NKX2-3: variants seen among roughly 807,000 people sequenced by gnomAD.
The protein encoded by NKX2-3 is NK2 homeobox 3.
A neutral mutation model predicts 14.2 loss-of-function variants in NKX2-3; 3 were observed. That is an observed-to-expected ratio of 0.21 (90% CI 0.10 to 0.55). The LOEUF is 0.55. Ranked by LOEUF, NKX2-3 falls within the 20% of genes least tolerant of loss-of-function variation. The pLI is 0.94. For synonymous variants in NKX2-3, 276 were observed against 234.2 expected (o/e 1.18, Z -1.63); for missense variants, 511 against 514.5 (o/e 0.99, Z 0.06).
intron 1 of NKX2-3, among the ~76,000 whole-genome samples, chr10:99,533,889 A>G (rs1367087674): frequency 2.6e-5 from 4 of 152,100 alleles, no homozygotes; most frequent in Non-Finnish European, 4.4e-5. Flanking sequence ...CTCTAGGGTG[A>G]GATGAGTTCT....
Position 99,536,013 on chromosome 10 carries a change from C to A in NKX2-3, c.*292C>A, listed in dbSNP as rs568144220. ...CGAGAGGAGACCAGGAGGCTAGGAC[C>A]CTGGCCGCGCTTGGTTCTTCCAAAG... On this transcript the variant is annotated 3_prime_UTR_variant, in exon 2 of 2. Transcript: ENST00000344586. 615 of 416,910 alleles carry A rather than the reference C, an allele frequency of 1.5e-3. 5 individuals carry two copies. The highest frequency in any genetic ancestry group is 1.0e-3 in the Non-Finnish European group (238 of 234,020). The allele number at this position is 416,910 out of a possible 1,614,324, so 25.8% of individuals were successfully genotyped here. A position where few individuals can be genotyped will look rare whatever the true frequency, so the allele number is the denominator to read the frequency against.
At position 99,535,790 on chromosome 10, in the gene NKX2-3, G is replaced by T; in HGVS notation, c.*69G>T. On this transcript the variant is annotated 3_prime_UTR_variant, in exon 2 of 2. Coordinates refer to ENST00000344586, the MANE Select transcript of NKX2-3 (RefSeq NM_145285.3). Reference sequence around the variant, plus strand: ...GCCGCGGGACTGAAGCTCGAGAAGGGCCTGACCTAAAGGTCAGGTCCCCTC... The same window carrying T: ...GCCGCGGGACTGAAGCTCGAGAAGGTCCTGACCTAAAGGTCAGGTCCCCTC... 1 of 1,472,224 alleles carries T rather than the reference G, an allele frequency of 6.8e-7. No homozygotes were observed. The allele number at this position is 1,472,224 out of a possible 1,614,324, so 91.2% of individuals were successfully genotyped here.
At chr10:99,533,710 C>G (rs960057862) in intron 1 of NKX2-3, among the ~76,000 whole-genome samples, 4 of 152,198 alleles carry the variant, frequency 2.6e-5, no homozygotes, top group African/African-American at 7.2e-5. Context: ...CTACTCCCCC[C>G]AAAAGGGGGA....
Position 99,533,332 on chromosome 10 carries a change from C to G in NKX2-3, c.201C>G (p.Gly67=). 1 of 1,612,964 alleles carries G rather than the reference C, an allele frequency of 6.2e-7. No homozygotes were observed. Among genetic ancestry groups the G allele is most frequent in the Non-Finnish European group, 8.5e-7 (1 of 1,179,698 alleles). ...DGGEEDEEDE[G]EKLSYLNSLA... ...GGGAGGAGGACGAGGAAGACGAGGG[C>G]GAGAAATTGTCCTATTTGAACTCAC... The change falls in exon 1 of 2, where the codon GGC becomes GGG. Residue 67 remains glycine, a synonymous_variant. Coordinates refer to ENST00000344586, the MANE Select transcript of NKX2-3 (RefSeq NM_145285.3).
At chr10:99,534,954 CT>C in intron 1 of NKX2-3, 30 bp from the exon 2 acceptor site, 1 of 1,565,210 alleles carries the variant, frequency 6.4e-7, no homozygotes, top group Non-Finnish European at 8.7e-7. Flanking sequence ...CCGGGAACAG[CT>C]AAGGACGCTG....
In NKX2-3 at chr10:99,535,301, C is replaced by A. The variant is rs747597283; in HGVS notation, c.675C>A (p.Arg225=). ...GAHAPPPPPR[R]VAVPVLVRDG... is the part of the protein sequence containing the mutation. ...ACGCGCCCCCGCCGCCGCCGCGCCG[C>A]GTGGCTGTCCCGGTGCTGGTGCGGG... The change falls in exon 2 of 2, where the codon CGC becomes CGA. Residue 225 remains arginine, a synonymous_variant. Transcript: ENST00000344586. The A allele has an allele frequency of 6.3e-7, 1 of 1,583,686 alleles. No individual in the cohort carries two copies. Among genetic ancestry groups the A allele is most frequent in the East Asian group, 2.3e-5 (1 of 43,278 alleles).
Position 99,533,232 on chromosome 10 carries a change from C to A in NKX2-3, c.101C>A (p.Ala34Glu). The stretch of plus-strand genomic sequence containing the variant: ...CACTTCCATGGTGCGCACTTGCAGG[C>A]GGACTTGGAGCACCACTTCCACTCT... ...HQHFHGAHLQ[A>E]DLEHHFHSAP... Residue 34 changes from alanine to glutamate, a missense_variant, in exon 1 of 2, where the codon GCG becomes GAG. This residue lies in a region of NKX2-3 where 243 missense variants were observed against 242.3 expected (regional missense o/e 1.00). Coordinates refer to ENST00000344586, the MANE Select transcript of NKX2-3 (RefSeq NM_145285.3). 1 of 1,610,968 alleles carries A rather than the reference C, an allele frequency of 6.2e-7. No individual in the cohort carries two copies. The highest frequency in any genetic ancestry group is 8.5e-7 in the Non-Finnish European group (1 of 1,177,378).
At position 99,536,482 on chromosome 10, in the gene NKX2-3, C is replaced by CACACACTA. The variant is rs575780288; in HGVS notation, c.*762_*769dup. ...CACACGCCGTGTAGACACCCGCTGC[C>CACACACTA]ACACACTACAGGAGTCAATAAACAA... On this transcript the variant is annotated 3_prime_UTR_variant, in exon 2 of 2. Coordinates refer to ENST00000344586, the MANE Select transcript of NKX2-3 (RefSeq NM_145285.3). 2 of 152,834 alleles carry CACACACTA rather than the reference C, an allele frequency of 1.3e-5. No homozygotes were observed. The highest frequency in any genetic ancestry group is 2.1e-4 in the South Asian group (1 of 4,830). 9.5% of individuals were successfully genotyped at this position (152,834 alleles called of 1,614,324 possible).
In NKX2-3 at chr10:99,535,834, TCTAGCTCCTCAGGGCTTCGGATCGCAG is replaced by T; in HGVS notation, c.*116_*142del. The T allele has an allele frequency of 8.3e-7, 1 of 1,203,374 alleles. No homozygotes were observed. The highest frequency in any genetic ancestry group is 1.1e-6 in the Non-Finnish European group (1 of 899,624). 74.5% of individuals were successfully genotyped at this position (1,203,374 alleles called of 1,614,324 possible). ...TCCCCTCGTTAAAAAAATATGTACGTCTAGCTCCTCAGGGCTTCGGATCGCAGCTCACTCGAGGCCTGGGGAAGGGGA... is the reference window on the plus strand; with the variant it reads ...TCCCCTCGTTAAAAAAATATGTACGTCTCACTCGAGGCCTGGGGAAGGGGA... On this transcript the variant is annotated 3_prime_UTR_variant, in exon 2 of 2. Coordinates refer to ENST00000344586, the MANE Select transcript of NKX2-3 (RefSeq NM_145285.3).
At position 99,533,200 on chromosome 10, in the gene NKX2-3, G is replaced by A. The variant is rs369827413; in HGVS notation, c.69G>A (p.Gln23=). 3.7e-6 allele frequency: 6 copies of A among 1,601,990 alleles called. No homozygotes were observed. In the African/African-American group the frequency reaches 6.7e-5, roughly 18 times the overall value. ...AAGACATTTTGAATCTGGAGCAGCA[G>A]CACCAGCACTTCCATGGTGCGCACT... ...SVKDILNLEQ[Q]HQHFHGAHLQ... Residue 23 remains glutamine (Q), a synonymous_variant, in exon 1 of 2, where the codon CAG becomes CAA. Transcript: ENST00000344586.
chr10:99,535,666 C>A lies in NKX2-3; in HGVS notation c.1040C>A (p.Thr347Asn). 6.5e-7 allele frequency: 1 copy of A among 1,537,682 alleles called. No homozygotes were observed. The highest frequency in any genetic ancestry group is 8.7e-7 in the Non-Finnish European group (1 of 1,145,722). ...AGCGCACAGCCGTTGCACCAGGGTA[C>A]TGCAGCCGGGGCCGCGTGCGCTCAG... ...GGSAQPLHQG[T>N]AAGAACAQGT... Residue 347 changes from threonine to asparagine, a missense_variant, in exon 2 of 2, where the codon ACT (threonine) becomes AAT (asparagine). This residue lies in a region of NKX2-3 where 264 missense variants were observed against 254.7 expected (regional missense o/e 1.04). Transcript: ENST00000344586.
rs938800248 is a variant in NKX2-3 at position 99,533,069 on chromosome 10, G to A, written c.-63G>A. The A allele has an allele frequency of 1.9e-5, 24 of 1,259,516 alleles. No individual in the cohort carries two copies. In the African/African-American group the frequency reaches 2.1e-4, roughly 11 times the overall value. 78.0% of individuals were successfully genotyped at this position (1,259,516 alleles called of 1,614,324 possible). On this transcript the variant is annotated 5_prime_UTR_variant, in exon 1 of 2. Coordinates refer to ENST00000344586, the MANE Select transcript of NKX2-3 (RefSeq NM_145285.3). ...GGAGTCCAGGAGGAGAGCTGGAGCC[G>A]CCGCGCTGCCTCCCCGCCCCCGCCG...
Position 99,535,592 on chromosome 10 carries a change from C to T in NKX2-3, c.966C>T (p.Gly322=). 2 of 1,507,386 alleles carry T rather than the reference C, an allele frequency of 1.3e-6. No individual in the cohort carries two copies. The highest frequency in any genetic ancestry group is 1.2e-5 in the South Asian group (1 of 81,246). The allele number at this position is 1,507,386 out of a possible 1,614,324, so 93.4% of individuals were successfully genotyped here. A position where few individuals can be genotyped will look rare whatever the true frequency, so the allele number is the denominator to read the frequency against. Reference sequence around the variant, plus strand: ...AGCCCGCCTGCAGCGCGGCCGGAGGCGGCCCCTTTGTGAACGTGAGCAACC... The same window carrying T: ...AGCCCGCCTGCAGCGCGGCCGGAGGTGGCCCCTTTGTGAACGTGAGCAACC... ...AMQPACSAAG[G]GPFVNVSNLG... The change falls in exon 2 of 2, where the codon GGC becomes GGT. Residue 322 remains glycine (G), a synonymous_variant. Coordinates refer to ENST00000344586, the MANE Select transcript of NKX2-3 (RefSeq NM_145285.3).
intron 1 of NKX2-3, 151 bp downstream of exon 1, chr10:99,533,640 A>C: frequency 1.6e-6 from 1 of 623,078 alleles, no homozygotes; most frequent in Non-Finnish European, 2.8e-6. Context: ...CAGCTCCACA[A>C]AGCGCAGGTA....
At position 99,535,934 on chromosome 10, in the gene NKX2-3, G is replaced by A; in HGVS notation, c.*213G>A. 1 of 579,974 alleles carries A rather than the reference G, an allele frequency of 1.7e-6. No individual in the cohort carries two copies. The highest frequency in any genetic ancestry group is 2.3e-5 in the South Asian group (1 of 44,004). The allele number at this position is 579,974 out of a possible 1,614,324, so 35.9% of individuals were successfully genotyped here. A position where few individuals can be genotyped will look rare whatever the true frequency, so the allele number is the denominator to read the frequency against. ...GGGTCCGGTCGCCAGGACTGTCTCT[G>A]AGGCAGAAACGCCGGCTGGGCGCCG... On this transcript the variant is annotated 3_prime_UTR_variant, in exon 2 of 2. Coordinates refer to ENST00000344586, the MANE Select transcript of NKX2-3 (RefSeq NM_145285.3).
At chr10:99,533,839 C>T (rs2033937431) in intron 1 of NKX2-3, among the ~76,000 whole-genome samples, 1 of 152,226 alleles carries the variant, frequency 6.6e-6, no homozygotes, top group Non-Finnish European at 1.5e-5. Context: ...AAAGGCTCTT[C>T]CCCCAAAAAG....
chr10:99,534,376 T>C (rs2033944138), intron 1 of NKX2-3, among the ~76,000 whole-genome samples: 1 of 152,242 alleles, frequency 6.6e-6, no homozygotes, highest in Non-Finnish European at 1.5e-5. Flanking sequence ...GCTCTCATAG[T>C]TCCCAGAGCC....
chr10:99,534,372 A>G (rs1399707071), intron 1 of NKX2-3, among the ~76,000 whole-genome samples: 2 of 152,396 alleles, frequency 1.3e-5, no homozygotes, highest in Non-Finnish European at 2.9e-5. Context: ...CTATGCTCTC[A>G]TAGTTCCCAG....
At position 99,533,077 on chromosome 10, in the gene NKX2-3, G is replaced by C. The variant is rs1035105558; in HGVS notation, c.-55G>C. On this transcript the variant is annotated 5_prime_UTR_variant, in exon 1 of 2. Coordinates refer to ENST00000344586, the MANE Select transcript of NKX2-3 (RefSeq NM_145285.3). Reference sequence around the variant, plus strand: ...GGAGGAGAGCTGGAGCCGCCGCGCTGCCTCCCCGCCCCCGCCGGGATTTAT... The same window carrying C: ...GGAGGAGAGCTGGAGCCGCCGCGCTCCCTCCCCGCCCCCGCCGGGATTTAT... 3.7e-5 allele frequency: 50 copies of C among 1,347,232 alleles called. No homozygotes were observed. The highest frequency in any genetic ancestry group is 4.9e-5 in the Non-Finnish European group (48 of 980,296). The allele number at this position is 1,347,232 out of a possible 1,614,324, so 83.5% of individuals were successfully genotyped here. A position where few individuals can be genotyped will look rare whatever the true frequency, so the allele number is the denominator to read the frequency against.
Sources: gnomAD v4.1 joint callset for allele counts (sites outside exome capture counted in the v4.1 genomes callset) on GRCh38, gnomAD v4.1.1 for gene constraint, gnomAD v4.1.1 regional missense constraint, MANE v1.5 for transcripts, NCBI Gene and HGNC (gene_info 2026-07-23, HGNC 2026-07-21) for gene names.